Variants in HTR2C observed in about 807,000 individuals in gnomAD.
HTR2C encodes 5-hydroxytryptamine (serotonin) receptor 2C, G protein-coupled.
In HTR2C, 5 loss-of-function variants were observed where a neutral mutation model predicts 21.0. That is an observed-to-expected ratio of 0.24 (90% CI 0.12 to 0.50). The LOEUF is 0.50. Ranked by LOEUF, HTR2C falls within the 20% of genes least tolerant of loss-of-function variation. HTR2C has a pLI of 0.98. For missense variants in HTR2C, 271 were observed against 371.2 expected, an observed-to-expected ratio of 0.73 and a Z score of 2.22; for synonymous variants, 150 against 145.3, an observed-to-expected ratio of 1.03 and a Z score of -0.23.
rs189185174 is a variant in HTR2C at position 114,799,611 on chromosome X, T to C, written c.350-48392T>C. On this transcript the variant is annotated intron_variant, in intron 4 of 5. Coordinates refer to ENST00000276198, the MANE Select transcript of HTR2C (RefSeq NM_000868.4). ...TATCTTAAATATATACTATAAATAA[T>C]TCATTAACTAAAAAGGAATAACCAG... Among the ~76,000 whole-genome samples the C allele has an allele frequency of 1.5e-3, 168 of 110,963 alleles. 1 individual carries two copies. The highest frequency in any genetic ancestry group is 1.5e-3 in the Non-Finnish European group (78 of 52,715).
chrX:114,899,524 A>G (rs781810345), intron 5 of HTR2C, among the ~76,000 whole-genome samples: 2 of 111,088 alleles, frequency 1.8e-5, no homozygotes, highest in South Asian at 7.8e-4. Flanking sequence ...TAGGTTCACA[A>G]GGGGATCTCC....
At chrX:114,659,059 C>A (rs1556409734) in intron 2 of HTR2C, among the ~76,000 whole-genome samples, 1 of 111,122 alleles carries the variant, frequency 9.0e-6, no homozygotes, top group Non-Finnish European at 1.9e-5. Context: ...GAAAGGGAAG[C>A]AAACATGTCC....
Position 114,605,409 on chromosome X carries a change from C to A in HTR2C, c.-146-8406C>A, listed in dbSNP as rs782361890. On this transcript the variant is annotated intron_variant, in intron 1 of 5. Transcript: ENST00000276198. ...GGGTCTGTAGAAAAGGAAGATTAGACAGACTCAGCAATGCTTGGGGTTGGT... is the reference window on the plus strand; with the variant it reads ...GGGTCTGTAGAAAAGGAAGATTAGAAAGACTCAGCAATGCTTGGGGTTGGT... Among the ~76,000 whole-genome samples the A allele has an allele frequency of 8.7e-3, 949 of 109,535 alleles. 12 individuals carry two copies. Among genetic ancestry groups the A allele is most frequent in the African/African-American group, 0.03 (883 of 29,808 alleles).
chrX:114,689,171 C>A (rs1483455758), intron 2 of HTR2C, among the ~76,000 whole-genome samples: 2 of 95,366 alleles, frequency 2.1e-5, no homozygotes, highest in Non-Finnish European at 4.1e-5. Flanking sequence ...TATTTCATTC[C>A]TTTTTATGGC....
At chrX:114,647,167 C>G (rs12689767) in intron 2 of HTR2C, among the ~76,000 whole-genome samples, 15,086 of 110,347 alleles carry the variant, frequency 0.14, 905 homozygotes, top group South Asian at 0.31. Flanking sequence ...TCTTATTGCA[C>G]AGCATGAGGA....
intron 4 of HTR2C, among the ~76,000 whole-genome samples, chrX:114,750,230 G>T (rs1556427659): frequency 9.0e-6 from 1 of 111,338 alleles, no homozygotes; most frequent in African/African-American, 3.3e-5. Flanking sequence ...AAAGAGTTTT[G>T]CTTCTGCTAA....
In HTR2C at chrX:114,769,402, ATAGTAT is replaced by A. The variant is rs782728626; in HGVS notation, c.349+37800_349+37805del. ...TTTATTTTATTTTATTTACTTAAAA[ATAGTAT>A]TAGTGTTTGCTCTGGGGCTTACAAT... On this transcript the variant is annotated intron_variant, in intron 4 of 5. Transcript: ENST00000276198. 8.1e-5 allele frequency among the ~76,000 whole-genome samples: 9 copies of A among 111,309 alleles called. No homozygotes were observed. The East Asian group carries it at 2.2e-3, about 28-fold the overall frequency.
intron 2 of HTR2C, chrX:114,651,719 C>A (rs1178778363): frequency 1.6e-5 from 2 of 123,856 alleles, no homozygotes; most frequent in African/African-American, 6.5e-5. Flanking sequence ...TGTTTACTAA[C>A]TATGCTTCCA....
In HTR2C at chrX:114,760,510, C is replaced by T. The variant is rs1394243350; in HGVS notation, c.349+28903C>T. On this transcript the variant is annotated intron_variant, in intron 4 of 5. Transcript: ENST00000276198. ...TTACCACAATGGAAATACACAACCC[C>T]ACATCTTTTATTTTTTTCTTTTTTG... Among the ~76,000 whole-genome samples, 3 of 110,817 alleles carry T rather than the reference C, an allele frequency of 2.7e-5. No individual in the cohort carries two copies. The East Asian group carries it at 8.6e-4, about 32-fold the overall frequency.
chrX:114,802,702 CTT>C (rs2070360050), intron 4 of HTR2C, among the ~76,000 whole-genome samples: 1 of 96,039 alleles, frequency 1.0e-5, no homozygotes, highest in African/African-American at 3.8e-5. Flanking sequence ...TTCTTTCTTT[CTT>C]TCTTTCTTTC....
At chrX:114,596,630 G>C (rs1471159723) in intron 1 of HTR2C, among the ~76,000 whole-genome samples, 1 of 111,308 alleles carries the variant, frequency 9.0e-6, no homozygotes, top group African/African-American at 3.3e-5. Flanking sequence ...TCTTTGGGGG[G>C]TGATCCCAAA....
In HTR2C at chrX:114,827,957, T is replaced by C. The variant is rs139980567; in HGVS notation, c.350-20046T>C. Among the ~76,000 whole-genome samples the C allele has an allele frequency of 2.8e-3, 311 of 110,899 alleles. 2 individuals carry two copies. The highest frequency in any genetic ancestry group is 9.9e-3 in the African/African-American group (302 of 30,643). On this transcript the variant is annotated intron_variant, in intron 4 of 5. Transcript: ENST00000276198. ...TTTTTTGGTTTAAACATTTGAGTTTTACAGAACTTCTTAAATCTGTAAATT... is the reference window on the plus strand; with the variant it reads ...TTTTTTGGTTTAAACATTTGAGTTTCACAGAACTTCTTAAATCTGTAAATT...
At chrX:114,874,621 G>A (rs1345542588) in intron 5 of HTR2C, among the ~76,000 whole-genome samples, 1 of 109,811 alleles carries the variant, frequency 9.1e-6, no homozygotes, top group Non-Finnish European at 1.9e-5. Context: ...CAAATCCCCT[G>A]CCTTAGCCTC....
At chrX:114,739,948 A>G (rs2069628692) in intron 4 of HTR2C, among the ~76,000 whole-genome samples, 1 of 109,614 alleles carries the variant, frequency 9.1e-6, no homozygotes, top group Non-Finnish European at 1.9e-5. Flanking sequence ...CTCTCCAACA[A>G]CAACAACAAA....
intron 2 of HTR2C, among the ~76,000 whole-genome samples, chrX:114,623,745 C>CTA (rs1452496289): frequency 9.0e-6 from 1 of 110,599 alleles, no homozygotes; most frequent in Non-Finnish European, 1.9e-5. Flanking sequence ...ATTTCATATG[C>CTA]TATTTCCTTT....
At chrX:114,811,821 T>G (rs188525398) in intron 4 of HTR2C, among the ~76,000 whole-genome samples, 157 of 112,392 alleles carry the variant, frequency 1.4e-3, no homozygotes, top group African/African-American at 4.5e-3. Flanking sequence ...TAGTCATCCA[T>G]TAACAACCAC....
chrX:114,687,694 A>T (rs1285183548), intron 2 of HTR2C, among the ~76,000 whole-genome samples: 2 of 111,919 alleles, frequency 1.8e-5, no homozygotes, highest in Non-Finnish European at 3.8e-5. Flanking sequence ...TTTTTAATCA[A>T]ATAAATAATG....
At chrX:114,616,393 T>G (rs782594279) in intron 2 of HTR2C, among the ~76,000 whole-genome samples, 1 of 110,479 alleles carries the variant, frequency 9.1e-6, no homozygotes, top group South Asian at 3.9e-4. Flanking sequence ...TTCAAGCAAT[T>G]CTCCTGCCTC....
chrX:114,715,004 CAT>C lies in HTR2C; in HGVS notation c.-79-11851_-79-11850del, dbSNP rs1252853667. Among the ~76,000 whole-genome samples the C allele has an allele frequency of 2.7e-5, 3 of 112,134 alleles. No individual in the cohort carries two copies. In the East Asian group the frequency reaches 8.4e-4, roughly 31 times the overall value. Reference sequence around the variant, plus strand: ...TTGTCTCAGTTTTCTGTATTCATGACATATTTGAATTTAACAAGATTCATCTG... The same window carrying C: ...TTGTCTCAGTTTTCTGTATTCATGACATTTGAATTTAACAAGATTCATCTG... On this transcript the variant is annotated intron_variant, in intron 2 of 5. Transcript: ENST00000276198.
Sources: gnomAD v4.1 joint callset for allele counts (sites outside exome capture counted in the v4.1 genomes callset) on GRCh38, gnomAD v4.1.1 for gene constraint, MANE v1.5 for transcripts, NCBI Gene and HGNC (gene_info 2026-07-23, HGNC 2026-07-21) for gene names.